SRSF3: variants seen among roughly 807,000 people sequenced by gnomAD.
SRSF3 encodes serine/arginine-rich splicing factor 3.
For missense variants in SRSF3, 58 were observed against 217.1 expected (o/e 0.27, Z 4.61); for synonymous variants, 87 against 73.6 (o/e 1.18, Z -0.93).
At chr6:36,600,992 C>CTTTTTTTTTTTT in intron 3 of SRSF3, 160 bp from the exon 4 acceptor site, 4 of 338,964 alleles carry the variant, frequency 1.2e-5, no homozygotes, top group East Asian at 5.5e-5. Flanking sequence ...TTTTTCTTTT[C>CTTTTTTTTTTTT]TTTTTTTTCT....
At chr6:36,601,079 G>C (rs1778708342) in intron 3 of SRSF3, 73 bp from the exon 4 acceptor site, 2 of 1,173,956 alleles carry the variant, frequency 1.7e-6, no homozygotes, top group Non-Finnish European at 2.3e-6. Flanking sequence ...CAGTGAGATT[G>C]AAAAGTTGGG....
intron 1 of SRSF3, among the ~76,000 whole-genome samples, chr6:36,596,218 C>CGGTCCATG: frequency 6.6e-6 from 1 of 152,180 alleles, no homozygotes; most frequent in Middle Eastern, 3.4e-3. Context: ...CCGCCGCGCC[C>CGGTCCATG]GGTCCATGGG....
Position 36,596,747 on chromosome 6 carries a change from A to G in SRSF3, c.-2-14A>G, listed in dbSNP as rs752634594. On this transcript the variant is annotated splice_polypyrimidine_tract_variant and intron_variant, in intron 1 of 5. Coordinates refer to ENST00000373715, the MANE Select transcript of SRSF3 (RefSeq NM_003017.5). The stretch of plus-strand genomic sequence containing the variant: ...GTTTAGATGAATGAATATTTTTGGT[A>G]TTTTTCATTACAGAAATGCATCGTG... The G allele has an allele frequency of 6.2e-6, 10 of 1,611,374 alleles. No homozygotes were observed. Among genetic ancestry groups the G allele is most frequent in the Non-Finnish European group, 8.5e-6 (10 of 1,178,126 alleles).
Position 36,601,138 on chromosome 6 carries a change from G to GT in SRSF3, c.342-11dup. 3 of 1,603,360 alleles carry GT rather than the reference G, an allele frequency of 1.9e-6. No individual in the cohort carries two copies. The highest frequency in any genetic ancestry group is 2.6e-6 in the Non-Finnish European group (3 of 1,176,010). On this transcript the variant is annotated splice_polypyrimidine_tract_variant and intron_variant, in intron 3 of 5. Transcript: ENST00000373715. ...AATTGATGATGAGCCTAATTTTCCT[G>GT]TTTCTGCTTTTAGATCTCCAAGAAG...
chr6:36,600,405 G>GA (rs1582513206), intron 3 of SRSF3: 1 of 526,282 alleles, frequency 1.9e-6, no homozygotes. Context: ...TATATTGCTT[G>GA]AAAAACTTTT....
intron 4 of SRSF3, 155 bp from the exon 5 acceptor site, chr6:36,601,553 A>C: frequency 1.4e-6 from 1 of 697,164 alleles, no homozygotes; most frequent in African/African-American, 1.8e-5. Flanking sequence ...TTTGTTGTCC[A>C]ATCTGTTCTC....
rs1041405972 is a variant in SRSF3 at position 36,605,429 on chromosome 6, G to T, written c.*3440G>T. 12 of 151,736 alleles carry T rather than the reference G, an allele frequency of 7.9e-5. No homozygotes were observed. The highest frequency in any genetic ancestry group is 7.2e-4 in the Admixed American group (11 of 15,224). The allele number at this position is 151,736 out of a possible 1,614,324, so 9.4% of individuals were successfully genotyped here. A position where few individuals can be genotyped will look rare whatever the true frequency, so the allele number is the denominator to read the frequency against. ...TGCTTAAACCTGGTGGGTGGAGGTT[G>T]CCATGAGCCGAGATGTAGCCACTTC... On this transcript the variant is annotated 3_prime_UTR_variant, in exon 6 of 6. Transcript: ENST00000373715.
chr6:36,603,829 T>C lies in SRSF3; in HGVS notation c.*1840T>C, dbSNP rs371156522. 1.4e-4 allele frequency: 33 copies of C among 231,562 alleles called. No individual in the cohort carries two copies. The highest frequency in any genetic ancestry group is 8.0e-4 in the East Asian group (13 of 16,304). 14.3% of individuals were successfully genotyped at this position (231,562 alleles called of 1,614,324 possible). ...TTGCTTTTTATAAATGGACAACTTATGTGGGCATTTTTGGGCAGTATATGA... is the reference window on the plus strand; with the variant it reads ...TTGCTTTTTATAAATGGACAACTTACGTGGGCATTTTTGGGCAGTATATGA... On this transcript the variant is annotated 3_prime_UTR_variant, in exon 6 of 6. Coordinates refer to ENST00000373715, the MANE Select transcript of SRSF3 (RefSeq NM_003017.5).
rs1186817951 is a variant in SRSF3 at position 36,603,135 on chromosome 6, A to G, written c.*1146A>G. 8 of 223,868 alleles carry G rather than the reference A, an allele frequency of 3.6e-5. No homozygotes were observed. Among genetic ancestry groups the G allele is most frequent in the African/African-American group, 1.8e-4 (8 of 44,802 alleles). The allele number at this position is 223,868 out of a possible 1,614,324, so 13.9% of individuals were successfully genotyped here. A position where few individuals can be genotyped will look rare whatever the true frequency, so the allele number is the denominator to read the frequency against. On this transcript the variant is annotated 3_prime_UTR_variant, in exon 6 of 6. Coordinates refer to ENST00000373715, the MANE Select transcript of SRSF3 (RefSeq NM_003017.5). ...GGGTCCATAATATTTAGTGACCAAC[A>G]TTTTAAAGTATAGCAGCAACCTGGT...
Position 36,601,138 on chromosome 6 carries a change from GT to G in SRSF3, c.342-11del. On this transcript the variant is annotated splice_polypyrimidine_tract_variant and intron_variant, in intron 3 of 5. Coordinates refer to ENST00000373715, the MANE Select transcript of SRSF3 (RefSeq NM_003017.5). Reference sequence around the variant, plus strand: ...AATTGATGATGAGCCTAATTTTCCTGTTTCTGCTTTTAGATCTCCAAGAAGG... The same window carrying G: ...AATTGATGATGAGCCTAATTTTCCTGTTCTGCTTTTAGATCTCCAAGAAGG... 1 of 1,603,360 alleles carries G rather than the reference GT, an allele frequency of 6.2e-7. No homozygotes were observed. The highest frequency in any genetic ancestry group is 8.5e-7 in the Non-Finnish European group (1 of 1,176,010).
intron 1 of SRSF3, among the ~76,000 whole-genome samples, chr6:36,595,297 G>GAAA (rs1305170985): frequency 2.0e-5 from 3 of 152,060 alleles, no homozygotes; most frequent in African/African-American, 7.2e-5. Flanking sequence ...CGCCAAGGAA[G>GAAA]AACAAAAAAA....
intron 1 of SRSF3, among the ~76,000 whole-genome samples, chr6:36,596,417 G>A (rs1236263216): frequency 6.6e-6 from 1 of 151,858 alleles, no homozygotes; most frequent in Admixed American, 6.6e-5. Flanking sequence ...CTTTATTTTG[G>A]GGATTAAATG....
intron 2 of SRSF3, 178 bp from the exon 3 acceptor site, chr6:36,598,671 C>G (rs146387610): frequency 1.5e-6 from 1 of 687,918 alleles, no homozygotes; most frequent in African/African-American, 1.8e-5. Flanking sequence ...CGTGTACCAC[C>G]GTGCCTGGCC....
chr6:36,601,944 T>G lies in SRSF3; in HGVS notation c.468-18T>G. On this transcript the variant is annotated intron_variant, in intron 5 of 5. Coordinates refer to ENST00000373715, the MANE Select transcript of SRSF3 (RefSeq NM_003017.5). ...ACAGATGTAATGTTTTGTTTTCTTT[T>G]TTTTTTTTTTTTTTTAGTCGATCTA... The G allele has an allele frequency of 1.4e-6, 2 of 1,413,316 alleles. No homozygotes were observed. The highest frequency in any genetic ancestry group is 1.9e-6 in the Non-Finnish European group (2 of 1,036,754). 87.5% of individuals were successfully genotyped at this position (1,413,316 alleles called of 1,614,324 possible). A position where few individuals can be genotyped will look rare whatever the true frequency, so the allele number is the denominator to read the frequency against.
intron 2 of SRSF3, among the ~76,000 whole-genome samples, chr6:36,597,803 C>CT (rs377627108): frequency 0.091 from 11,977 of 131,168 alleles, 541 homozygotes; most frequent in South Asian, 0.18. Flanking sequence ...GAATAATGGT[C>CT]TTTTTTTTTT....
At chr6:36,600,834 G>T in intron 3 of SRSF3, 1 of 227,882 alleles carries the variant, frequency 4.4e-6, no homozygotes, top group African/African-American at 2.3e-5. Context: ...ACTATATTTT[G>T]GTGTGGTGTT....
intron 1 of SRSF3, 32 bp from the exon 2 acceptor site, chr6:36,596,729 T>C (rs770590476): frequency 6.3e-7 from 1 of 1,582,370 alleles, no homozygotes; most frequent in East Asian, 2.2e-5. Context: ...GATGTTTAGA[T>C]GAATGAATAT....
chr6:36,598,819 GT>G, intron 2 of SRSF3, 29 bp from the exon 3 acceptor site: 1 of 1,607,328 alleles, frequency 6.2e-7, no homozygotes, highest in Non-Finnish European at 8.5e-7. Flanking sequence ...AAGTCAGGCT[GT>G]TTTAAGTTTA....
intron 2 of SRSF3, 116 bp from the exon 3 acceptor site, chr6:36,598,733 A>G: frequency 8.0e-7 from 1 of 1,257,176 alleles, no homozygotes; most frequent in Non-Finnish European, 1.1e-6. Flanking sequence ...TTGATGTTAA[A>G]TTGCACAGAC....
Sources: allele counts gnomAD v4.1 joint callset (sites outside exome capture counted in the v4.1 genomes callset), GRCh38; gene constraint gnomAD v4.1.1; transcripts MANE v1.5; gene names NCBI Gene and HGNC (gene_info 2026-07-23, HGNC 2026-07-21).